MAST4: variants seen among roughly 807,000 people sequenced by gnomAD.
MAST4 encodes microtubule associated serine/threonine kinase family member 4, also known as microtubule-associated serine/threonine-protein kinase 4.
In MAST4, 89 loss-of-function variants were observed where a neutral mutation model predicts 162.7. The observed-to-expected ratio is 0.55, with a 90% CI of 0.46 to 0.65. The LOEUF (loss-of-function observed/expected upper bound fraction) is 0.65. Among genes scored for constraint, MAST4 ranks in the 30% least tolerant of loss-of-function variants. MAST4 has a pLI of 0.00. For synonymous variants in MAST4, 1,479 were observed against 1,361.1 expected, an observed-to-expected ratio of 1.09 and a Z score of -1.91; for missense variants, 3,153 against 3,374.0, an observed-to-expected ratio of 0.93 and a Z score of 1.62.
chr5:67,165,633 T>C lies in MAST4; in HGVS notation c.6454T>C (p.Cys2152Arg). The C allele has an allele frequency of 6.2e-7, 1 of 1,611,854 alleles. No homozygotes were observed. Among genetic ancestry groups the C allele is most frequent in the Non-Finnish European group, 8.5e-7 (1 of 1,179,094 alleles). ...GTCCAGCCCGGCTGCCAGGCAGCAT[T>C]GCAGTTCCCCAAGCCACGCTTCTGG... is the stretch of plus-strand genomic sequence containing the variant. ...DLSSPAARQH[C>R]SSPSHASGRE... The change falls in exon 29 of 29, where the codon TGC becomes CGC. Residue 2152 changes from cysteine to arginine, a missense_variant. Cys to Arg is a radical substitution (Grantham distance 180, BLOSUM62 -3). Transcript: ENST00000403625.
At chr5:67,113,794 C>G (rs1055007215) in intron 11 of MAST4, among the ~76,000 whole-genome samples, 6 of 152,098 alleles carry the variant, frequency 3.9e-5, no homozygotes, top group African/African-American at 1.4e-4. Flanking sequence ...TGTTCATTGC[C>G]GACGAGCGAG....
intron 7 of MAST4, among the ~76,000 whole-genome samples, chr5:67,097,038 TG>T (rs1320450271): frequency 6.6e-6 from 1 of 152,240 alleles, no homozygotes; most frequent in East Asian, 1.9e-4. Context: ...AACTCCAAAT[TG>T]TTTTTTTTAT....
At chr5:66,658,525 C>A (rs908102659) in intron 1 of MAST4, among the ~76,000 whole-genome samples, 2 of 152,138 alleles carry the variant, frequency 1.3e-5, no homozygotes, top group Non-Finnish European at 2.9e-5. Flanking sequence ...AAACACTTTA[C>A]TGAGAAAAGA....
chr5:66,817,423 G>C (rs147200061), intron 3 of MAST4, among the ~76,000 whole-genome samples: 5 of 152,102 alleles, frequency 3.3e-5, no homozygotes, highest in Non-Finnish European at 7.4e-5. Context: ...CTGTTGTGTG[G>C]TATTAGCTTG....
intron 3 of MAST4, among the ~76,000 whole-genome samples, chr5:66,861,516 A>T (rs950614628): frequency 6.6e-6 from 1 of 152,258 alleles, no homozygotes; most frequent in African/African-American, 2.4e-5. Flanking sequence ...TCTGTGGGTC[A>T]TTTAGACCTT....
intron 1 of MAST4, among the ~76,000 whole-genome samples, chr5:66,671,298 T>G (rs749058384): frequency 1.3e-5 from 2 of 152,164 alleles, no homozygotes; most frequent in South Asian, 2.1e-4. Flanking sequence ...ATTCTTTTGT[T>G]CTTTGGGGCA....
intron 2 of MAST4, among the ~76,000 whole-genome samples, chr5:66,775,627 G>T (rs916771126): frequency 6.6e-6 from 1 of 152,134 alleles, no homozygotes; most frequent in Non-Finnish European, 1.5e-5. Flanking sequence ...TTAATTCAGT[G>T]TGCAGGGTTG....
At chr5:66,711,162 G>GC (rs1481144766) in intron 1 of MAST4, among the ~76,000 whole-genome samples, 1 of 152,140 alleles carries the variant, frequency 6.6e-6, no homozygotes, top group East Asian at 1.9e-4. Context: ...GTTGTGTGTG[G>GC]CAATAGTTTA....
At chr5:66,598,834 C>T (rs572781055) in intron 1 of MAST4, among the ~76,000 whole-genome samples, 2 of 152,160 alleles carry the variant, frequency 1.3e-5, no homozygotes, top group African/African-American at 4.8e-5. Context: ...AACTTCTGAT[C>T]CCCATTCTGT....
At chr5:66,940,634 T>G (rs1743257887) in intron 4 of MAST4, among the ~76,000 whole-genome samples, 1 of 152,112 alleles carries the variant, frequency 6.6e-6, no homozygotes, top group Admixed American at 6.6e-5. Flanking sequence ...CATTTCTAAT[T>G]TTCGTTCTAT....
chr5:66,818,816 T>C (rs1006712903), intron 3 of MAST4, among the ~76,000 whole-genome samples: 1 of 152,224 alleles, frequency 6.6e-6, no homozygotes, highest in South Asian at 2.1e-4. Context: ...ATACAAAGCC[T>C]GAATTCTCTT....
chr5:66,815,496 G>A (rs1202801224), intron 3 of MAST4, among the ~76,000 whole-genome samples: 1 of 152,124 alleles, frequency 6.6e-6, no homozygotes, highest in Non-Finnish European at 1.5e-5. Flanking sequence ...AAAAAAAACA[G>A]TATATATGGG....
rs1431532727 is a variant in MAST4, at chr5:67,165,332, G to A, written c.6153G>A (p.Ala2051=). The A allele has an allele frequency of 5.0e-6, 8 of 1,613,506 alleles. No homozygotes were observed. In the Admixed American group the frequency reaches 5.0e-5, roughly 10 times the overall value. ...KTNHKDGPGE[A]RPPPRDNSSL... is the part of the protein sequence containing the mutation. The stretch of plus-strand genomic sequence containing the variant: ...ACCACAAAGATGGCCCAGGTGAGGC[G>A]AGGCCCCCGCCCAGAGACAACTCCT... Residue 2051 remains alanine (A), a synonymous_variant, in exon 29 of 29, where the codon GCG becomes GCA. Transcript: ENST00000403625.
At chr5:66,878,993 C>T (rs1761492561) in intron 3 of MAST4, among the ~76,000 whole-genome samples, 1 of 152,184 alleles carries the variant, frequency 6.6e-6, no homozygotes, top group African/African-American at 2.4e-5. Flanking sequence ...AAGAAAAGTA[C>T]AATGGGCCGG....
intron 1 of MAST4, 27 bp from the exon 2 acceptor site, chr5:66,759,682 G>A (rs773548024): frequency 2.5e-6 from 4 of 1,612,658 alleles, no homozygotes; most frequent in South Asian, 1.1e-5. Flanking sequence ...GCCCTAGCCA[G>A]TGATGCCATT....
At chr5:66,760,410 G>A (rs527387680) in intron 2 of MAST4, among the ~76,000 whole-genome samples, 16 of 151,984 alleles carry the variant, frequency 1.1e-4, no homozygotes, top group African/African-American at 3.4e-4. Context: ...CACCGCACCC[G>A]GCCAATATCC....
chr5:66,781,212 A>T (rs527539900), intron 2 of MAST4, among the ~76,000 whole-genome samples: 2 of 152,302 alleles, frequency 1.3e-5, no homozygotes, highest in African/African-American at 4.8e-5. Flanking sequence ...ATTTACCCAG[A>T]AGTGAGATTA....
At chr5:66,895,267 CCTT>C (rs1282771949) in intron 3 of MAST4, among the ~76,000 whole-genome samples, 2 of 152,128 alleles carry the variant, frequency 1.3e-5, no homozygotes, top group South Asian at 2.1e-4. Flanking sequence ...CACAATCCTC[CCTT>C]CTTCTTTATT....
chr5:66,794,812 A>G (rs1429178927), intron 3 of MAST4, among the ~76,000 whole-genome samples: 2 of 152,142 alleles, frequency 1.3e-5, no homozygotes, highest in African/African-American at 2.4e-5. Flanking sequence ...GTTTCTTTCA[A>G]TGGAGAAATT....
Sources: gnomAD v4.1 joint callset for allele counts (sites outside exome capture counted in the v4.1 genomes callset) on GRCh38, gnomAD v4.1.1 for gene constraint, MANE v1.5 for transcripts, NCBI Gene and HGNC (gene_info 2026-07-23, HGNC 2026-07-21) for gene names.